Variants in GOLGA6L1 observed in about 807,000 individuals in gnomAD.
GOLGA6L1 encodes golgin A6 family like 1, also known as golgin subfamily A member 6-like protein 1.
In GOLGA6L1, 2 loss-of-function variants were observed where a neutral mutation model predicts 23.6. That is an observed-to-expected ratio of 0.08 (90% CI 0.03 to 0.27). The LOEUF (loss-of-function observed/expected upper bound fraction) is 0.27. Ranked by LOEUF, GOLGA6L1 falls within the 10% of genes least tolerant of loss-of-function variation. GOLGA6L1 has a pLI of 1.00. For missense variants in GOLGA6L1, 15 were observed against 172.9 expected, an observed-to-expected ratio of 0.09 and a Z score of 5.12; for synonymous variants, 4 against 49.8, an observed-to-expected ratio of 0.08 and a Z score of 3.87.
Position 23,129,879 on chromosome 15 carries a change from A to C in GOLGA6L1, c.1574T>G (p.Ile525Arg). The change falls in exon 8 of 9, where the codon ATA becomes AGA. Residue 525 changes from isoleucine (I) to arginine (R), a missense_variant. Around this residue, in one of 2 missense-constraint regions of GOLGA6L1, gnomAD observed 15 missense variants for 120.2 expected, o/e 0.12. Coordinates refer to ENST00000614055, the MANE Select transcript of GOLGA6L1 (RefSeq NM_001001413.3). ...EEKMWRQEEK[I>R]REQEEKIREQ... Reference sequence around the variant, plus strand: ...CCGTATCTTCTCCTCCTGCTCCCTTATCTTCTCCTCCTGCCTCCACATCTT... The same window carrying C: ...CCGTATCTTCTCCTCCTGCTCCCTTCTCTTCTCCTCCTGCCTCCACATCTT... The C allele has an allele frequency of 6.9e-7, 1 of 1,444,318 alleles. No homozygotes were observed. The highest frequency in any genetic ancestry group is 2.6e-5 in the East Asian group (1 of 37,764). The allele number at this position is 1,444,318 out of a possible 1,614,324, so 89.5% of individuals were successfully genotyped here. A position where few individuals can be genotyped will look rare whatever the true frequency, so the allele number is the denominator to read the frequency against.
In GOLGA6L1 at chr15:23,136,675, G is replaced by A; in HGVS notation, c.57C>T (p.Pro19=). Residue 19 remains proline, a synonymous_variant, in exon 1 of 9, where the codon CCC becomes CCT. Coordinates refer to ENST00000614055, the MANE Select transcript of GOLGA6L1 (RefSeq NM_001001413.3). Reference sequence around the variant, plus strand: ...GGAGGTGGGGATGGGTAGGGAGGTGGGGATGGGTAGGGAGGTGGGGATGGG... The same window carrying A: ...GGAGGTGGGGATGGGTAGGGAGGTGAGGATGGGTAGGGAGGTGGGGATGGG... ...LPTHPHLPTH[P]HLPTHPHLPT... 1 of 269,800 alleles carries A rather than the reference G, an allele frequency of 3.7e-6. No homozygotes were observed. Among genetic ancestry groups the A allele is most frequent in the Non-Finnish European group, 6.0e-6 (1 of 168,020 alleles). 16.7% of individuals were successfully genotyped at this position (269,800 alleles called of 1,614,324 possible). A position where few individuals can be genotyped will look rare whatever the true frequency, so the allele number is the denominator to read the frequency against.
At position 23,129,607 on chromosome 15, in the gene GOLGA6L1, A is replaced by ACATCTTCTCCTCCTGCTCCCG. The variant is rs2068186002; in HGVS notation, c.1845_1846insCGGGAGCAGGAGGAGAAGATG (p.Met615_Trp616insArgGluGlnGluGluLysMet). The ACATCTTCTCCTCCTGCTCCCG allele has an allele frequency of 2.4e-6, 1 of 409,340 alleles. No individual in the cohort carries two copies. The highest frequency in any genetic ancestry group is 3.0e-5 in the African/African-American group (1 of 32,910). 25.4% of individuals were successfully genotyped at this position (409,340 alleles called of 1,614,324 possible). A position where few individuals can be genotyped will look rare whatever the true frequency, so the allele number is the denominator to read the frequency against. On this transcript the variant is annotated inframe_insertion, in exon 8 of 9. Coordinates refer to ENST00000614055, the MANE Select transcript of GOLGA6L1 (RefSeq NM_001001413.3). Reference sequence around the variant, plus strand: ...TCACACATCTTCTCCTCCTGCTCCCACATCTTCTCTTCCTGTTCCTGCATC... The same window carrying ACATCTTCTCCTCCTGCTCCCG: ...TCACACATCTTCTCCTCCTGCTCCCACATCTTCTCCTCCTGCTCCCGCATCTTCTCTTCCTGTTCCTGCATC...
Position 23,127,583 on chromosome 15 carries a change from A to AT in GOLGA6L1, c.*1206dup, listed in dbSNP as rs2068171146. Among the ~76,000 whole-genome samples the AT allele has an allele frequency of 6.7e-6, 1 of 149,066 alleles. No homozygotes were observed. The highest frequency in any genetic ancestry group is 2.5e-5 in the African/African-American group (1 of 40,800). ...GTGACATCCTGCCTCTATTAAAGGT[A>AT]TAAAAAAAAATTAGCCAGGCATGGT... On this transcript the variant is annotated 3_prime_UTR_variant, in exon 9 of 9. Coordinates refer to ENST00000614055, the MANE Select transcript of GOLGA6L1 (RefSeq NM_001001413.3).
At position 23,127,732 on chromosome 15, in the gene GOLGA6L1, C is replaced by A. The variant is rs1300805761; in HGVS notation, c.*1058G>T. On this transcript the variant is annotated 3_prime_UTR_variant, in exon 9 of 9. Coordinates refer to ENST00000614055, the MANE Select transcript of GOLGA6L1 (RefSeq NM_001001413.3). ...GCAACAGCGCAAGACTCCATCTCAA[C>A]AACAACAAAAAAAGGACAGATGAAG... Among the ~76,000 whole-genome samples the A allele has an allele frequency of 5.8e-5, 8 of 138,534 alleles. No homozygotes were observed. The highest frequency in any genetic ancestry group is 7.2e-5 in the Admixed American group (1 of 13,842). 90.9% of individuals were successfully genotyped at this position (138,534 alleles called of 152,430 possible). A position where few individuals can be genotyped will look rare whatever the true frequency, so the allele number is the denominator to read the frequency against.
At position 23,136,608 on chromosome 15, in the gene GOLGA6L1, G is replaced by A; in HGVS notation, c.124C>T (p.His42Tyr). ...HLPTHPHLPT[H>Y]PHLPTHPMMS... ...ATAGGATGGGTAGGGAGGTGGGGAT[G>A]GGTAGGGAGGTGGGGATGGGTAGGG... Residue 42 changes from histidine (H) to tyrosine (Y), a missense_variant, in exon 1 of 9, where the codon CAT becomes TAT. Coordinates refer to ENST00000614055, the MANE Select transcript of GOLGA6L1 (RefSeq NM_001001413.3). 1 of 264,024 alleles carries A rather than the reference G, an allele frequency of 3.8e-6. No homozygotes were observed. Among genetic ancestry groups the A allele is most frequent in the Non-Finnish European group, 6.1e-6 (1 of 164,686 alleles). 16.4% of individuals were successfully genotyped at this position (264,024 alleles called of 1,614,324 possible).
Position 23,127,838 on chromosome 15 carries a change from A to AT in GOLGA6L1, c.*951dup, listed in dbSNP as rs2068174183. ...GAGCAGTTAGAAAAACTGGATAAAAATGTGCCCCGCCCCCAATCAAAAACA... is the reference window on the plus strand; with the variant it reads ...GAGCAGTTAGAAAAACTGGATAAAAATTGTGCCCCGCCCCCAATCAAAAACA... On this transcript the variant is annotated 3_prime_UTR_variant, in exon 9 of 9. Coordinates refer to ENST00000614055, the MANE Select transcript of GOLGA6L1 (RefSeq NM_001001413.3). 9.5e-6 allele frequency among the ~76,000 whole-genome samples: 1 copy of AT among 104,978 alleles called. No homozygotes were observed. Among genetic ancestry groups the AT allele is most frequent in the Middle Eastern group, 4.0e-3 (1 of 248 alleles). 68.9% of individuals were successfully genotyped at this position (104,978 alleles called of 152,430 possible).
intron 5 of GOLGA6L1, among the ~76,000 whole-genome samples, chr15:23,132,875 C>CAT (rs1227063475): frequency 7.0e-6 from 1 of 143,526 alleles, no homozygotes; most frequent in Non-Finnish European, 1.5e-5. Flanking sequence ...CACACACACA[C>CAT]ATATACACCT....
rs1169207160 is a variant in GOLGA6L1 at position 23,127,773 on chromosome 15, TA to T, written c.*1016del. ...ACAGATGAAGGTTTTCAACTTTCAG[TA>T]AAGGCAGAGGAGCTTGTTACAGATT... On this transcript the variant is annotated 3_prime_UTR_variant, in exon 9 of 9. Transcript: ENST00000614055. Among the ~76,000 whole-genome samples the T allele has an allele frequency of 9.8e-6, 1 of 102,516 alleles. No homozygotes were observed. Among genetic ancestry groups the T allele is most frequent in the Non-Finnish European group, 2.0e-5 (1 of 49,296 alleles). 67.3% of individuals were successfully genotyped at this position (102,516 alleles called of 152,430 possible). A position where few individuals can be genotyped will look rare whatever the true frequency, so the allele number is the denominator to read the frequency against.
chr15:23,132,719 T>TAAG (rs2068237903), intron 5 of GOLGA6L1, among the ~76,000 whole-genome samples: 1 of 145,672 alleles, frequency 6.9e-6, no homozygotes, highest in Non-Finnish European at 1.5e-5. Flanking sequence ...AATCCTTTGT[T>TAAG]GAATTTTTGA....
rs2068197750 is a variant in GOLGA6L1, at chr15:23,129,903, T to C, written c.1550A>G (p.Lys517Arg). 1.2e-6 allele frequency: 1 copy of C among 860,958 alleles called. No individual in the cohort carries two copies. The highest frequency in any genetic ancestry group is 1.6e-5 in the African/African-American group (1 of 61,282). The allele number at this position is 860,958 out of a possible 1,614,324, so 53.3% of individuals were successfully genotyped here. A position where few individuals can be genotyped will look rare whatever the true frequency, so the allele number is the denominator to read the frequency against. ...QEEKIREQEE[K>R]MWRQEEKIRE... ...TATCTTCTCCTCCTGCCTCCACATC[T>C]TCTCCTCCTGCTCCCGTATCTTCTC... Residue 517 changes from lysine to arginine, a missense_variant, in exon 8 of 9, where the codon AAG becomes AGG. Lys to Arg is a conservative substitution (Grantham distance 26). Transcript: ENST00000614055.
intron 5 of GOLGA6L1, among the ~76,000 whole-genome samples, chr15:23,132,444 G>A (rs1315750159): frequency 6.7e-6 from 1 of 148,328 alleles, no homozygotes; most frequent in Admixed American, 6.8e-5. Flanking sequence ...TATTGTTATT[G>A]TTATTACTGT....
At chr15:23,131,078 A>G (rs1289383108) in intron 7 of GOLGA6L1, among the ~76,000 whole-genome samples, 4 of 137,284 alleles carry the variant, frequency 2.9e-5, no homozygotes, top group South Asian at 2.3e-4. Context: ...AATGTAATCT[A>G]TAAAATAATG....
rs1442571653 is a variant in GOLGA6L1 at position 23,130,681 on chromosome 15, G to A, written c.781-9C>T. On this transcript the variant is annotated splice_polypyrimidine_tract_variant and intron_variant, in intron 7 of 8. Coordinates refer to ENST00000614055, the MANE Select transcript of GOLGA6L1 (RefSeq NM_001001413.3). The stretch of plus-strand genomic sequence containing the variant: ...TCCGCCTGCAGCTGCTGCTGGAATA[G>A]TGAAAGTGTTTTTTTGAACCTCAGA... 7.0e-5 allele frequency: 1 copy of A among 14,326 alleles called. No individual in the cohort carries two copies. The highest frequency in any genetic ancestry group is 8.1e-4 in the South Asian group (1 of 1,240). The allele number at this position is 14,326 out of a possible 1,614,324, so 0.9% of individuals were successfully genotyped here. A position where few individuals can be genotyped will look rare whatever the true frequency, so the allele number is the denominator to read the frequency against.
At chr15:23,131,014 G>C (rs2068222158) in intron 7 of GOLGA6L1, among the ~76,000 whole-genome samples, 1 of 135,986 alleles carries the variant, frequency 7.4e-6, no homozygotes, top group East Asian at 2.3e-4. Context: ...CTGGGTGACA[G>C]AGTGAGACTA....
chr15:23,132,875 CAT>C (rs1227063475), intron 5 of GOLGA6L1, among the ~76,000 whole-genome samples: 6 of 143,514 alleles, frequency 4.2e-5, no homozygotes, highest in Non-Finnish European at 9.3e-5. Flanking sequence ...CACACACACA[CAT>C]ATACACCTGC....
intron 5 of GOLGA6L1, among the ~76,000 whole-genome samples, chr15:23,132,303 GC>G (rs1299669729): frequency 2.7e-5 from 3 of 111,860 alleles, no homozygotes; most frequent in African/African-American, 9.9e-5. Flanking sequence ...CTCCCAAAGT[GC>G]TGGCATTACA....
In GOLGA6L1 at chr15:23,136,667, G is replaced by A. The variant is rs2068260644; in HGVS notation, c.65C>T (p.Pro22Leu). 3.7e-6 allele frequency: 1 copy of A among 269,964 alleles called. No individual in the cohort carries two copies. Among genetic ancestry groups the A allele is most frequent in the Middle Eastern group, 8.0e-4 (1 of 1,256 alleles). 16.7% of individuals were successfully genotyped at this position (269,964 alleles called of 1,614,324 possible). A position where few individuals can be genotyped will look rare whatever the true frequency, so the allele number is the denominator to read the frequency against. The change falls in exon 1 of 9, where the codon CCT becomes CTT. Residue 22 changes from proline to leucine, a missense_variant. This residue lies in a region of GOLGA6L1 where 15 missense variants were observed against 120.2 expected (regional missense o/e 0.12). Coordinates refer to ENST00000614055, the MANE Select transcript of GOLGA6L1 (RefSeq NM_001001413.3). ...HPHLPTHPHL[P>L]THPHLPTHPH... ...ATGGGTAGGGAGGTGGGGATGGGTA[G>A]GGAGGTGGGGATGGGTAGGGAGGTG...
At position 23,130,586 on chromosome 15, in the gene GOLGA6L1, C is replaced by A. The variant is rs1156874061; in HGVS notation, c.867G>T (p.Glu289Asp). The change falls in exon 8 of 9, where the codon GAG becomes GAT. Residue 289 changes from glutamate to aspartate, a missense_variant. Glu to Asp is a conservative substitution (Grantham distance 45, BLOSUM62 2). This residue lies in a region of GOLGA6L1 where 15 missense variants were observed against 120.2 expected (regional missense o/e 0.12). Coordinates refer to ENST00000614055, the MANE Select transcript of GOLGA6L1 (RefSeq NM_001001413.3). ...AKLQAQVEENELWNRLNQQQE... is the reference protein window; with the variant it reads ...AKLQAQVEENDLWNRLNQQQE... ...GTTGCTGGTTCAGGCGGTTCCACAA[C>A]TCGTTCTCTTCCACCTGGGCTTGGA... The A allele has an allele frequency of 4.3e-5, 1 of 23,150 alleles. No homozygotes were observed. Among genetic ancestry groups the A allele is most frequent in the South Asian group, 3.9e-4 (1 of 2,578 alleles). The allele number at this position is 23,150 out of a possible 1,614,324, so 1.4% of individuals were successfully genotyped here.
Position 23,136,690 on chromosome 15 carries a change from G to T in GOLGA6L1, c.42C>A (p.His14Gln). ...TAGGGAGGTGGGGATGGGTAGGGAG[G>T]TGGGGATGGGTAGGGAGGTGGGGTT... ...WPQPHLPTHP[H>Q]LPTHPHLPTH... The change falls in exon 1 of 9, where the codon CAC becomes CAA. Residue 14 changes from histidine to glutamine, a missense_variant. His to Gln is a conservative substitution (Grantham distance 24). Coordinates refer to ENST00000614055, the MANE Select transcript of GOLGA6L1 (RefSeq NM_001001413.3). 3.7e-6 allele frequency: 1 copy of T among 270,878 alleles called. No individual in the cohort carries two copies. The highest frequency in any genetic ancestry group is 4.3e-5 in the East Asian group (1 of 23,058). The allele number at this position is 270,878 out of a possible 1,614,324, so 16.8% of individuals were successfully genotyped here.
Sources: allele counts gnomAD v4.1 joint callset (sites outside exome capture counted in the v4.1 genomes callset), GRCh38; gene constraint gnomAD v4.1.1; regional missense constraint gnomAD v4.1.1; transcripts MANE v1.5; gene names NCBI Gene and HGNC (gene_info 2026-07-23, HGNC 2026-07-21).